PPFIBP2: variants seen among roughly 807,000 people sequenced by gnomAD.
PPFIBP2 encodes the protein PPFIB scaffold protein 2.
In PPFIBP2, 118 loss-of-function variants were observed where a neutral mutation model predicts 118.3. That is an observed-to-expected ratio of 1.00 (90% CI 0.86 to 1.16). The LOEUF (loss-of-function observed/expected upper bound fraction) is 1.16, where lower values mean the gene tolerates loss of function less well. Ranked by LOEUF, PPFIBP2 falls within the 50% of genes most tolerant of loss-of-function variation. The pLI, the probability that PPFIBP2 is intolerant of heterozygous loss-of-function variation, is 0.00. For synonymous variants in PPFIBP2, 414 were observed against 397.4 expected (o/e 1.04, Z -0.50); for missense variants, 1,195 against 1,073.1 (o/e 1.11, Z -1.59).
intron 5 of PPFIBP2, chr11:7,606,158 C>T: frequency 1.0e-6 from 1 of 993,950 alleles, no homozygotes; most frequent in Non-Finnish European, 1.4e-6. Context: ...AAAATACTGG[C>T]TTGGAAGCAG....
chr11:7,584,282 T>C (rs972413720), intron 3 of PPFIBP2, among the ~76,000 whole-genome samples: 4 of 152,226 alleles, frequency 2.6e-5, no homozygotes, highest in Non-Finnish European at 5.9e-5. Flanking sequence ...ATTTGCTGTT[T>C]ATGAACTCTG....
At chr11:7,647,778 G>A (rs1321511707) in intron 17 of PPFIBP2, among the ~76,000 whole-genome samples, 1 of 152,112 alleles carries the variant, frequency 6.6e-6, no homozygotes, top group Non-Finnish European at 1.5e-5. Flanking sequence ...TATACTTCTT[G>A]TTCTTATTTA....
chr11:7,635,724 G>C (rs1451581382), intron 14 of PPFIBP2, 131 bp downstream of exon 14: 2 of 890,838 alleles, frequency 2.2e-6, no homozygotes, highest in Non-Finnish European at 3.5e-6. Flanking sequence ...GAGGAAAGAC[G>C]CAACTTTTCT....
intron 1 of PPFIBP2, among the ~76,000 whole-genome samples, chr11:7,518,988 G>A (rs1466811471): frequency 6.6e-6 from 1 of 152,178 alleles, no homozygotes; most frequent in Non-Finnish European, 1.5e-5. Flanking sequence ...GTGGCGGGAT[G>A]GGTTTACAGG....
At chr11:7,600,620 G>T (rs1565034203) in intron 5 of PPFIBP2, among the ~76,000 whole-genome samples, 1 of 152,200 alleles carries the variant, frequency 6.6e-6, no homozygotes, top group Non-Finnish European at 1.5e-5. Context: ...CGAGCCTGCT[G>T]CTCAAAGCCT....
chr11:7,566,948 G>C (rs747625622), intron 3 of PPFIBP2, among the ~76,000 whole-genome samples: 1 of 152,178 alleles, frequency 6.6e-6, no homozygotes, highest in African/African-American at 2.4e-5. Context: ...AGTCTATGCT[G>C]TTGTTTTCTA....
chr11:7,562,091 C>T (rs899646050), intron 2 of PPFIBP2, among the ~76,000 whole-genome samples: 1 of 152,332 alleles, frequency 6.6e-6, no homozygotes, highest in East Asian at 1.9e-4. Flanking sequence ...ATAGGGTTCA[C>T]ACACCTATGA....
intron 2 of PPFIBP2, among the ~76,000 whole-genome samples, chr11:7,549,786 G>A (rs937755365): frequency 3.3e-5 from 5 of 151,968 alleles, no homozygotes; most frequent in East Asian, 1.9e-4. Context: ...ACCATCTACC[G>A]TCTCAGTTTG....
rs1347633393 is a variant in PPFIBP2, at chr11:7,629,525, G to T, written c.955G>T (p.Val319Phe). ...CCGGAAGGTAAAGGAGATTGTGATG[G>T]TCACTCAAGGTAAGAGCAAGGGCGA... ...QYRKVKEIVMVTQGPSERTLS... is the reference protein window; with the variant it reads ...QYRKVKEIVMFTQGPSERTLS... The change falls in exon 10 of 24, where the codon GTC (valine) becomes TTC (phenylalanine). Residue 319 changes from valine to phenylalanine, a missense_variant. Physicochemically the swap from Val to Phe is conservative, Grantham distance 50. Transcript: ENST00000299492. 3.1e-6 allele frequency: 5 copies of T among 1,613,986 alleles called. No individual in the cohort carries two copies. The highest frequency in any genetic ancestry group is 1.3e-5 in the African/African-American group (1 of 74,928).
rs1854351173 is a variant in PPFIBP2 at position 7,653,370 on chromosome 11, G to A, written c.*152G>A. On this transcript the variant is annotated 3_prime_UTR_variant, in exon 24 of 24. Transcript: ENST00000299492. ...CCCTGGGCCAGTCTCTTTGAACCCT[G>A]AGGGTGGCCAGGATCTGGAGCTGCA... is the stretch of plus-strand genomic sequence containing the variant. 1.3e-6 allele frequency: 2 copies of A among 1,484,658 alleles called. No individual in the cohort carries two copies. The highest frequency in any genetic ancestry group is 2.5e-5 in the East Asian group (1 of 40,508). 92.0% of individuals were successfully genotyped at this position (1,484,658 alleles called of 1,614,324 possible).
At chr11:7,549,741 G>A (rs7125735) in intron 2 of PPFIBP2, among the ~76,000 whole-genome samples, 51,358 of 151,072 alleles carry the variant, frequency 0.34, 8,991 homozygotes, top group African/African-American at 0.43. Context: ...TGGTGTGATC[G>A]TTCTGGTCTC....
At chr11:7,568,409 C>T (rs1003869344) in intron 3 of PPFIBP2, among the ~76,000 whole-genome samples, 1 of 152,222 alleles carries the variant, frequency 6.6e-6, no homozygotes, top group African/African-American at 2.4e-5. Context: ...CCTTACAAGA[C>T]ACAACTATAC....
At chr11:7,617,884 A>G (rs1041245935) in intron 6 of PPFIBP2, among the ~76,000 whole-genome samples, 13 of 151,706 alleles carry the variant, frequency 8.6e-5, no homozygotes, top group African/African-American at 3.1e-4. Flanking sequence ...GTGGGGCTCT[A>G]TCTGACTGGG....
chr11:7,521,833 G>C (rs113268171), intron 1 of PPFIBP2, among the ~76,000 whole-genome samples: 2,213 of 152,250 alleles, frequency 0.015, 68 homozygotes, highest in African/African-American at 0.05. Flanking sequence ...AGAGAAGGAA[G>C]AGGAGCAGAA....
chr11:7,520,057 C>T (rs1160610395), intron 1 of PPFIBP2, among the ~76,000 whole-genome samples: 8 of 152,142 alleles, frequency 5.3e-5, no homozygotes, highest in East Asian at 1.9e-4. Context: ...TCCCAGGTTT[C>T]GGCACCAGAT....
intron 2 of PPFIBP2, among the ~76,000 whole-genome samples, chr11:7,557,541 G>T (rs1419062310): frequency 2.0e-5 from 3 of 147,748 alleles, no homozygotes; most frequent in Non-Finnish European, 4.4e-5. Flanking sequence ...GCCCAGGCTG[G>T]AGTACAGTGG....
chr11:7,570,704 G>A (rs774667015), intron 3 of PPFIBP2, among the ~76,000 whole-genome samples: 12 of 152,192 alleles, frequency 7.9e-5, no homozygotes, highest in Non-Finnish European at 1.5e-4. Flanking sequence ...CCTGGTCAGT[G>A]TGCTTGAGCA....
intron 1 of PPFIBP2, among the ~76,000 whole-genome samples, chr11:7,521,164 A>G (rs1245561552): frequency 1.3e-5 from 2 of 152,138 alleles, no homozygotes; most frequent in African/African-American, 4.8e-5. Context: ...TCTCTCTGTC[A>G]TGTTCATATG....
chr11:7,556,396 A>G lies in PPFIBP2; in HGVS notation c.64+6857A>G, dbSNP rs530264583. On this transcript the variant is annotated intron_variant, in intron 2 of 23. Coordinates refer to ENST00000299492, the MANE Select transcript of PPFIBP2 (RefSeq NM_003621.5). ...CATGAACCCAGGAGGTGGAGCTTGCAATGATCGTGCCACTGCACTCCAGCC... is the reference window on the plus strand; with the variant it reads ...CATGAACCCAGGAGGTGGAGCTTGCGATGATCGTGCCACTGCACTCCAGCC... Among the ~76,000 whole-genome samples the G allele has an allele frequency of 8.5e-5, 13 of 152,284 alleles. No individual in the cohort carries two copies. In the East Asian group the frequency reaches 2.3e-3, roughly 27 times the overall value.
Sources: gnomAD v4.1 joint callset for allele counts (sites outside exome capture counted in the v4.1 genomes callset) on GRCh38, gnomAD v4.1.1 for gene constraint, MANE v1.5 for transcripts, NCBI Gene and HGNC (gene_info 2026-07-23, HGNC 2026-07-21) for gene names.